ARB2A: variants seen among roughly 807,000 people sequenced by gnomAD.
ARB2A encodes the protein cotranscriptional regulator ARB2A.
the ARB2A span, among the ~76,000 whole-genome samples, chr5:93,764,599 C>T: frequency 6.6e-6 from 1 of 152,106 alleles, no homozygotes; most frequent in South Asian, 2.1e-4. Flanking sequence ...GATTCACAGC[C>T]GAACTCTACA....
the ARB2A span, among the ~76,000 whole-genome samples, chr5:93,967,507 G>A: frequency 6.6e-6 from 1 of 152,224 alleles, no homozygotes; most frequent in South Asian, 2.1e-4. Flanking sequence ...GCTGAAGCCA[G>A]TACTAACATA....
At chr5:93,645,472 G>A in the ARB2A span, among the ~76,000 whole-genome samples, 1 of 151,884 alleles carries the variant, frequency 6.6e-6, no homozygotes, top group Non-Finnish European at 1.5e-5. Flanking sequence ...TACTCAGGAA[G>A]CTGAGGCAGG....
chr5:93,915,095 A>G, the ARB2A span, among the ~76,000 whole-genome samples: 5 of 151,980 alleles, frequency 3.3e-5, no homozygotes, highest in Non-Finnish European at 2.9e-5. Context: ...TACTCTTTTT[A>G]CTAAATCGTT....
At chr5:93,640,236 G>A in the ARB2A span, among the ~76,000 whole-genome samples, 1 of 151,386 alleles carries the variant, frequency 6.6e-6, no homozygotes, top group Non-Finnish European at 1.5e-5. Context: ...ATCACTTGAG[G>A]TCAGTAATTT....
chr5:93,800,885 C>T, the ARB2A span, among the ~76,000 whole-genome samples: 1 of 151,978 alleles, frequency 6.6e-6, no homozygotes, highest in African/African-American at 2.4e-5. Flanking sequence ...TTTAAATGAT[C>T]AGCTGAAATA....
At chr5:93,865,333 G>T in the ARB2A span, 9 of 898,454 alleles carry the variant, frequency 1.0e-5, no homozygotes, top group Non-Finnish European at 1.2e-5. Context: ...CGCCCGCCTC[G>T]GCCTCCCAAA....
chr5:94,066,191 A>T, the ARB2A span, among the ~76,000 whole-genome samples: 1 of 152,182 alleles, frequency 6.6e-6, no homozygotes, highest in Middle Eastern at 3.4e-3. Context: ...AAAACAGAAA[A>T]CGCAAGGGTA....
the ARB2A span, chr5:93,620,723 C>T: frequency 1.2e-5 from 4 of 344,538 alleles, no homozygotes; most frequent in African/African-American, 2.1e-5. Flanking sequence ...CCAGGCAGGG[C>T]GCTGTCAGCC....
At chr5:93,843,309 T>C in the ARB2A span, among the ~76,000 whole-genome samples, 2 of 151,510 alleles carry the variant, frequency 1.3e-5, no homozygotes, top group East Asian at 3.9e-4. Context: ...CCTGAACAAA[T>C]AGACACTTGA....
At chr5:93,636,943 C>T in the ARB2A span, among the ~76,000 whole-genome samples, 3 of 152,260 alleles carry the variant, frequency 2.0e-5, no homozygotes, top group African/African-American at 7.2e-5. Context: ...TCATTTTCCC[C>T]AATGGTAACA....
the ARB2A span, among the ~76,000 whole-genome samples, chr5:93,779,355 A>G: frequency 6.6e-6 from 1 of 152,098 alleles, no homozygotes; most frequent in African/African-American, 2.4e-5. Flanking sequence ...TTAGAAGTCA[A>G]GTGTCTTTTG....
chr5:93,853,287 T>A, the ARB2A span, among the ~76,000 whole-genome samples: 25 of 152,332 alleles, frequency 1.6e-4, no homozygotes, highest in African/African-American at 5.3e-4. Context: ...AGAATGTTTG[T>A]GATTTTTGTA....
chr5:93,960,139 G>A, the ARB2A span, among the ~76,000 whole-genome samples: 1 of 134,430 alleles, frequency 7.4e-6, no homozygotes, highest in Non-Finnish European at 1.6e-5. Context: ...ATTACGCTTA[G>A]GAAGAGAAAA....
the ARB2A span, among the ~76,000 whole-genome samples, chr5:93,842,620 C>T: frequency 6.6e-6 from 1 of 152,108 alleles, no homozygotes; most frequent in Non-Finnish European, 1.5e-5. Flanking sequence ...ACTAATTTAG[C>T]ACATCTGACA....
the ARB2A span, among the ~76,000 whole-genome samples, chr5:94,095,844 G>A: frequency 6.6e-6 from 1 of 152,082 alleles, no homozygotes; most frequent in Non-Finnish European, 1.5e-5. Context: ...TCGAATAACT[G>A]AGAATCTGTT....
At chr5:93,842,801 C>T in the ARB2A span, among the ~76,000 whole-genome samples, 4,824 of 152,234 alleles carry the variant, frequency 0.032, 178 homozygotes, top group East Asian at 0.17. Flanking sequence ...TTCCATTCCA[C>T]GTGCTTGGCA....
the ARB2A span, among the ~76,000 whole-genome samples, chr5:93,650,256 C>T: frequency 6.6e-6 from 1 of 151,486 alleles, no homozygotes; most frequent in African/African-American, 2.4e-5. Context: ...TATACATGTT[C>T]AACGACTTGA....
At chr5:94,030,744 T>C in the ARB2A span, among the ~76,000 whole-genome samples, 1 of 152,236 alleles carries the variant, frequency 6.6e-6, no homozygotes, top group Non-Finnish European at 1.5e-5. Context: ...GATTAGGTCC[T>C]TAAGTTTAGA....
chr5:93,672,345 C>T, the ARB2A span, among the ~76,000 whole-genome samples: 2 of 150,962 alleles, frequency 1.3e-5, no homozygotes, highest in African/African-American at 2.4e-5. Context: ...TGGAGTCTCG[C>T]TGTCACGAGG....
Sources: gnomAD v4.1 joint callset for allele counts (sites outside exome capture counted in the v4.1 genomes callset) on GRCh38, gnomAD v4.1.1 for gene constraint, MANE v1.5 for transcripts, NCBI Gene and HGNC (gene_info 2026-07-23, HGNC 2026-07-21) for gene names.